NPAS3: variants seen among roughly 807,000 people sequenced by gnomAD.
NPAS3 encodes neuronal PAS domain protein 3, also known as neuronal PAS domain-containing protein 3.
Under a neutral mutation model 73.1 loss-of-function variants are expected in NPAS3, and 14 were observed. The ratio of observed to expected loss-of-function variants is 0.19; its 90% CI spans 0.13 to 0.30. The LOEUF (loss-of-function observed/expected upper bound fraction) is 0.30. Ranked by LOEUF, NPAS3 falls within the 10% of genes least tolerant of loss-of-function variation. NPAS3 has a pLI of 1.00. For missense variants in NPAS3, 1,096 were observed against 1,250.0 expected, an observed-to-expected ratio of 0.88 and a Z score of 1.86; for synonymous variants, 620 against 541.5, an observed-to-expected ratio of 1.14 and a Z score of -2.01.
At chr14:33,057,522 T>G (rs903711632) in intron 2 of NPAS3, among the ~76,000 whole-genome samples, 2 of 152,254 alleles carry the variant, frequency 1.3e-5, no homozygotes, top group African/African-American at 2.4e-5. Flanking sequence ...TGTTTATTTT[T>G]AATTAAGTCA....
chr14:33,073,478 A>G (rs1431367630), intron 2 of NPAS3, among the ~76,000 whole-genome samples: 1 of 152,164 alleles, frequency 6.6e-6, no homozygotes, highest in African/African-American at 2.4e-5. Flanking sequence ...AAGATGGGAC[A>G]GGTGAAGTGC....
intron 1 of NPAS3, among the ~76,000 whole-genome samples, chr14:33,046,812 C>G (rs2040525085): frequency 6.6e-6 from 1 of 152,116 alleles, no homozygotes; most frequent in South Asian, 2.1e-4. Flanking sequence ...CCCGTCTCTA[C>G]TAAAAATACA....
rs531960814 is a variant in NPAS3, at chr14:33,212,612, T to C, written c.141-2570T>C. Among the ~76,000 whole-genome samples the C allele has an allele frequency of 2.6e-5, 4 of 152,336 alleles. No homozygotes were observed. In the South Asian group the frequency reaches 8.3e-4, roughly 32 times the overall value. On this transcript the variant is annotated intron_variant, in intron 2 of 11. Coordinates refer to ENST00000356141, the Ensembl canonical transcript of NPAS3. ...ATAGAGAAAAGCCATCTCCCTAGTA[T>C]CTATCCTTTATAGCCTATTGAGTTG... is the stretch of plus-strand genomic sequence containing the variant.
chr14:33,453,330 G>T (rs968229538), intron 4 of NPAS3, among the ~76,000 whole-genome samples: 3 of 152,200 alleles, frequency 2.0e-5, no homozygotes, highest in African/African-American at 7.2e-5. Context: ...GGGCTTTCAA[G>T]AATTTTAGAG....
intron 2 of NPAS3, among the ~76,000 whole-genome samples, chr14:33,120,171 G>T (rs1299533571): frequency 6.6e-6 from 1 of 152,096 alleles, no homozygotes; most frequent in Non-Finnish European, 1.5e-5. Flanking sequence ...ATCTTGACCA[G>T]GCTGGTCTTG....
intron 3 of NPAS3, among the ~76,000 whole-genome samples, chr14:33,222,133 C>T (rs3087951): frequency 0.083 from 12,604 of 152,124 alleles, 722 homozygotes; most frequent in Non-Finnish European, 0.13. Flanking sequence ...TTTTTCTTGG[C>T]CTCTCTGTGT....
intron 5 of NPAS3, among the ~76,000 whole-genome samples, chr14:33,570,699 G>A (rs1447396217): frequency 6.6e-6 from 1 of 152,124 alleles, no homozygotes; most frequent in Non-Finnish European, 1.5e-5. Context: ...CTTGGCTGTA[G>A]CATACATGGA....
At chr14:33,705,467 C>T (rs1417488457) in intron 6 of NPAS3, among the ~76,000 whole-genome samples, 4 of 152,188 alleles carry the variant, frequency 2.6e-5, no homozygotes, top group South Asian at 4.1e-4. Context: ...TTATCCTTTC[C>T]GCATTACCAA....
intron 3 of NPAS3, among the ~76,000 whole-genome samples, chr14:33,287,234 T>C (rs1197417047): frequency 6.6e-6 from 1 of 152,238 alleles, no homozygotes; most frequent in Non-Finnish European, 1.5e-5. Context: ...GGCATCTTGC[T>C]GCAAGCTCAT....
intron 1 of NPAS3, among the ~76,000 whole-genome samples, chr14:32,966,329 G>C (rs950896578): frequency 6.6e-6 from 1 of 152,082 alleles, no homozygotes; most frequent in Admixed American, 6.6e-5. Context: ...ACCAAACACT[G>C]TGGTAACTGC....
intron 3 of NPAS3, among the ~76,000 whole-genome samples, chr14:33,241,348 G>C (rs1255182233): frequency 6.6e-6 from 1 of 151,892 alleles, no homozygotes; most frequent in African/African-American, 2.4e-5. Context: ...TGCAGTATTG[G>C]CACAAGGGAG....
intron 4 of NPAS3, among the ~76,000 whole-genome samples, chr14:33,425,783 A>G (rs1455394906): frequency 6.6e-6 from 1 of 152,076 alleles, no homozygotes; most frequent in Non-Finnish European, 1.5e-5. Flanking sequence ...TAAATGAACA[A>G]TTAACAAAGG....
At chr14:33,571,964 C>T (rs2056234083) in intron 5 of NPAS3, among the ~76,000 whole-genome samples, 1 of 152,140 alleles carries the variant, frequency 6.6e-6, no homozygotes, top group Non-Finnish European at 1.5e-5. Context: ...CATCGCTACC[C>T]TTTTATTGTG....
chr14:33,265,400 A>G (rs1167468091), intron 3 of NPAS3, among the ~76,000 whole-genome samples: 4 of 152,132 alleles, frequency 2.6e-5, no homozygotes, highest in African/African-American at 9.7e-5. Flanking sequence ...TTCATCTTTT[A>G]CAATATATTT....
intron 9 of NPAS3, among the ~76,000 whole-genome samples, chr14:33,786,374 C>T (rs549156708): frequency 6.6e-6 from 1 of 152,240 alleles, no homozygotes; most frequent in South Asian, 2.1e-4. Context: ...TGCCTCACTA[C>T]TCATGTATTT....
At chr14:33,221,358 A>G (rs1228154556) in intron 3 of NPAS3, among the ~76,000 whole-genome samples, 7 of 152,318 alleles carry the variant, frequency 4.6e-5, no homozygotes, top group Non-Finnish European at 1.0e-4. Flanking sequence ...CTGCAAAGAA[A>G]CATGGCCAAT....
chr14:33,518,454 T>C (rs914320062), intron 4 of NPAS3, among the ~76,000 whole-genome samples: 6 of 152,102 alleles, frequency 3.9e-5, no homozygotes, highest in African/African-American at 1.4e-4. Context: ...CATTGTTCCA[T>C]TCCTTTGAGA....
chr14:33,792,823 C>T (rs1461348072), intron 9 of NPAS3, among the ~76,000 whole-genome samples: 2 of 152,192 alleles, frequency 1.3e-5, no homozygotes, highest in East Asian at 1.9e-4. Context: ...GAGGCAAGGA[C>T]ATGCCAAAAG....
chr14:33,497,580 C>T (rs574946451), intron 4 of NPAS3, among the ~76,000 whole-genome samples: 3 of 152,118 alleles, frequency 2.0e-5, no homozygotes, highest in African/African-American at 7.2e-5. Context: ...ACAAACCAGA[C>T]AAAAACAAGC....
Sources: allele counts gnomAD v4.1 joint callset (sites outside exome capture counted in the v4.1 genomes callset), GRCh38; gene constraint gnomAD v4.1.1; transcripts MANE v1.5; gene names NCBI Gene and HGNC (gene_info 2026-07-23, HGNC 2026-07-21).